PPARGC1A: variants seen among roughly 807,000 people sequenced by gnomAD.
The protein encoded by PPARGC1A is PPARG coactivator 1 alpha, also known as peroxisome proliferator-activated receptor gamma coactivator 1-alpha.
Under a neutral mutation model 88.7 loss-of-function variants are expected in PPARGC1A, and 25 were observed. That is an observed-to-expected ratio of 0.28 (90% CI 0.21 to 0.39). PPARGC1A has a LOEUF of 0.39. Ranked by LOEUF, PPARGC1A falls within the 10% of genes least tolerant of loss-of-function variation. The pLI is 1.00. For synonymous variants in PPARGC1A, 363 were observed against 355.6 expected, an observed-to-expected ratio of 1.02 and a Z score of -0.24; for missense variants, 880 against 968.7, an observed-to-expected ratio of 0.91 and a Z score of 1.22.
At chr4:23,956,612 A>G in the PPARGC1A span, among the ~76,000 whole-genome samples, 1 of 151,924 alleles carries the variant, frequency 6.6e-6, no homozygotes, top group Non-Finnish European at 1.5e-5. Context: ...CAAACAGGTC[A>G]CTCACTAGTC....
At chr4:23,869,016 T>C (rs1226395427) in intron 2 of PPARGC1A, among the ~76,000 whole-genome samples, 1 of 152,162 alleles carries the variant, frequency 6.6e-6, no homozygotes, top group Non-Finnish European at 1.5e-5. Flanking sequence ...GGTGCAGAGA[T>C]GGCAGGGCAG....
the PPARGC1A span, among the ~76,000 whole-genome samples, chr4:24,203,489 TC>T: frequency 6.6e-6 from 1 of 152,188 alleles, no homozygotes; most frequent in African/African-American, 2.4e-5. Context: ...TGGGATCTAT[TC>T]TTTCAATTCA....
At chr4:24,046,155 T>C in the PPARGC1A span, among the ~76,000 whole-genome samples, 11 of 152,188 alleles carry the variant, frequency 7.2e-5, no homozygotes, top group Non-Finnish European at 1.5e-4. Flanking sequence ...TTTGAGCATG[T>C]CAGAACATAT....
the PPARGC1A span, among the ~76,000 whole-genome samples, chr4:24,439,736 C>T: frequency 6.6e-6 from 1 of 152,334 alleles, no homozygotes; most frequent in Non-Finnish European, 1.5e-5. Flanking sequence ...GTTATAACCA[C>T]TCTGATCTTT....
At chr4:23,844,823 A>C (rs1360333790) in intron 2 of PPARGC1A, among the ~76,000 whole-genome samples, 6 of 128,998 alleles carry the variant, frequency 4.7e-5, no homozygotes, top group Admixed American at 9.4e-5. Flanking sequence ...TATATGATAT[A>C]TATTATTATA....
the PPARGC1A span, among the ~76,000 whole-genome samples, chr4:24,049,263 A>ATATGTGTGTGT: frequency 4.2e-5 from 6 of 141,250 alleles, no homozygotes; most frequent in Admixed American, 7.3e-5. Flanking sequence ...TATGTATATA[A>ATATGTGTGTGT]ATACATATAT....
the PPARGC1A span, among the ~76,000 whole-genome samples, chr4:24,284,026 T>C: frequency 1.3e-5 from 2 of 150,534 alleles, no homozygotes; most frequent in African/African-American, 4.9e-5. Flanking sequence ...ATGCCTGTAA[T>C]CCCAGCAGCA....
the PPARGC1A span, among the ~76,000 whole-genome samples, chr4:23,910,663 C>T: frequency 6.6e-6 from 1 of 151,172 alleles, no homozygotes; most frequent in African/African-American, 2.4e-5. Context: ...TGGTCTTGAA[C>T]TGCTGACCTC....
chr4:24,165,379 A>G, the PPARGC1A span, among the ~76,000 whole-genome samples: 1 of 152,220 alleles, frequency 6.6e-6, no homozygotes, highest in African/African-American at 2.4e-5. Context: ...AACGTTTTTC[A>G]AATGATGAAA....
At chr4:23,899,855 T>C (rs1271075883), upstream of PPARGC1A, among the ~76,000 whole-genome samples, 1 of 152,194 alleles carries the variant, frequency 6.6e-6, no homozygotes, top group African/African-American at 2.4e-5. Context: ...CTGTGCTGGT[T>C]ACATGGGTAC....
At chr4:23,976,653 T>C in the PPARGC1A span, among the ~76,000 whole-genome samples, 3 of 152,212 alleles carry the variant, frequency 2.0e-5, no homozygotes, top group South Asian at 6.2e-4. Context: ...AAAGTCCTAA[T>C]CCAACAGTAT....
the PPARGC1A span, among the ~76,000 whole-genome samples, chr4:24,126,022 T>C: frequency 1.3e-4 from 20 of 152,326 alleles, no homozygotes; most frequent in South Asian, 3.9e-3. Flanking sequence ...GACCTATTGA[T>C]GTAGTCATCA....
At chr4:23,843,388 A>T (rs893941573) in intron 2 of PPARGC1A, among the ~76,000 whole-genome samples, 4 of 152,186 alleles carry the variant, frequency 2.6e-5, no homozygotes, top group South Asian at 2.1e-4. Context: ...GACCTTCTGC[A>T]AGTTACTTAA....
chr4:24,377,615 C>G, the PPARGC1A span, among the ~76,000 whole-genome samples: 2 of 151,980 alleles, frequency 1.3e-5, no homozygotes, highest in Non-Finnish European at 2.9e-5. Flanking sequence ...ATTTGGAGTC[C>G]GTGAGTTGAG....
chr4:23,812,168 T>C (rs1184022356), intron 10 of PPARGC1A, among the ~76,000 whole-genome samples: 1 of 151,852 alleles, frequency 6.6e-6, no homozygotes, highest in Non-Finnish European at 1.5e-5. Flanking sequence ...GTCTCAAACT[T>C]CTGGCCTTAA....
At chr4:24,219,583 T>C in the PPARGC1A span, among the ~76,000 whole-genome samples, 1 of 152,272 alleles carries the variant, frequency 6.6e-6, no homozygotes, top group Non-Finnish European at 1.5e-5. Flanking sequence ...TTGTCTCCAT[T>C]ATTCTCTTAA....
At chr4:24,030,219 T>C in the PPARGC1A span, among the ~76,000 whole-genome samples, 1 of 152,196 alleles carries the variant, frequency 6.6e-6, no homozygotes, top group Non-Finnish European at 1.5e-5. Flanking sequence ...GTCAGAACTT[T>C]TGATTTCAAC....
chr4:23,986,753 C>T, the PPARGC1A span, among the ~76,000 whole-genome samples: 24 of 152,118 alleles, frequency 1.6e-4, no homozygotes, highest in African/African-American at 5.5e-4. Flanking sequence ...CTAACTCAGG[C>T]ATGTGGATTC....
the PPARGC1A span, among the ~76,000 whole-genome samples, chr4:24,079,715 G>A: frequency 6.6e-6 from 1 of 151,824 alleles, no homozygotes; most frequent in Admixed American, 6.6e-5. Context: ...AATATGTTTT[G>A]AATTTTTTGC....
Sources: gnomAD v4.1 joint callset for allele counts (sites outside exome capture counted in the v4.1 genomes callset) on GRCh38, gnomAD v4.1.1 for gene constraint, MANE v1.5 for transcripts, NCBI Gene and HGNC (gene_info 2026-07-23, HGNC 2026-07-21) for gene names.